HELZ: variants seen among roughly 807,000 people sequenced by gnomAD.
HELZ encodes the protein helicase with zinc finger.
Under a neutral mutation model 218.2 loss-of-function variants are expected in HELZ, and 23 were observed. The observed-to-expected ratio is 0.11, with a 90% CI of 0.08 to 0.15. The LOEUF is 0.15. Among genes scored for constraint, HELZ ranks in the 10% least tolerant of loss-of-function variants. HELZ has a pLI of 1.00. For missense variants in HELZ, 1,813 were observed against 2,353.7 expected (o/e 0.77, Z 4.75); for synonymous variants, 814 against 829.4 (o/e 0.98, Z 0.32).
intron 23 of HELZ, among the ~76,000 whole-genome samples, chr17:67,133,903 G>A (rs562428000): frequency 1.3e-5 from 2 of 152,260 alleles, no homozygotes; most frequent in South Asian, 4.1e-4. Context: ...TAATCAAATT[G>A]TATGTGCTGT....
In HELZ at chr17:67,101,123, A is replaced by G. The variant is rs1412903735; in HGVS notation, c.5241+6046T>C. On this transcript the variant is annotated intron_variant, in intron 31 of 32. Coordinates refer to ENST00000358691, the MANE Select transcript of HELZ (RefSeq NM_014877.4). ...AGACTCCGTCTCAGAAAAAAAAAAAAAAAAGGAAAAATAGAAGAAGAGAGA... is the reference window on the plus strand; with the variant it reads ...AGACTCCGTCTCAGAAAAAAAAAAAGAAAAGGAAAAATAGAAGAAGAGAGA... Among the ~76,000 whole-genome samples the G allele has an allele frequency of 2.0e-5, 3 of 151,682 alleles. No individual in the cohort carries two copies. The East Asian group carries it at 5.8e-4, about 29-fold the overall frequency.
At position 67,109,352 on chromosome 17, in the gene HELZ, T is replaced by C; in HGVS notation, c.4253A>G (p.Gln1418Arg). ...TCCCGCCTGATATGCAGGAGAAAGC[T>C]GAGGAGGTGGCTGCTGAGGCTGCTG... ...LNQQPQQPPP[Q>R]LSPAYQAGPN... Residue 1418 changes from glutamine (Q) to arginine (R), a missense_variant, in exon 29 of 33, where the codon CAG becomes CGG. This residue lies in a region of HELZ where 938 missense variants were observed against 1,027.5 expected (regional missense o/e 0.91). Transcript: ENST00000358691. 1 of 1,614,096 alleles carries C rather than the reference T, an allele frequency of 6.2e-7. No homozygotes were observed. The highest frequency in any genetic ancestry group is 8.5e-7 in the Non-Finnish European group (1 of 1,180,018).
At chr17:67,116,432 A>G (rs2037428727) in intron 27 of HELZ, among the ~76,000 whole-genome samples, 2 of 152,082 alleles carry the variant, frequency 1.3e-5, no homozygotes, top group African/African-American at 4.8e-5. Context: ...TATCTAAAAT[A>G]AACAAACTTT....
Position 67,151,080 on chromosome 17 carries a change from A to G in HELZ, c.2322T>C (p.Thr774=). 1.9e-6 allele frequency: 3 copies of G among 1,614,008 alleles called. No homozygotes were observed. In the South Asian group the frequency reaches 3.3e-5, roughly 18 times the overall value. The change falls in exon 18 of 33, where the codon ACT becomes ACC. Residue 774 remains threonine, a synonymous_variant. Transcript: ENST00000358691. ...KHRVVVVTLN[T]SQYLCQLDLE... ...GGTCCAACTGACAGAGGTACTGGGA[A>G]GTATTCAAGGTAACAACCACCACTC...
intron 32 of HELZ, among the ~76,000 whole-genome samples, chr17:67,080,644 T>C (rs2036160380): frequency 6.6e-6 from 1 of 152,216 alleles, no homozygotes; most frequent in Non-Finnish European, 1.5e-5. Context: ...AAGTATACAG[T>C]TGGTTAGAGC....
At chr17:67,166,753 T>C (rs2039157861) in intron 14 of HELZ, 145 bp from the exon 15 acceptor site, 1 of 638,488 alleles carries the variant, frequency 1.6e-6, no homozygotes, top group South Asian at 2.3e-5. Flanking sequence ...ATCATAATTA[T>C]GATGAATAAT....
Position 67,079,294 on chromosome 17 carries a change from A to T in HELZ, c.5495-708T>A, listed in dbSNP as rs530219724. Among the ~76,000 whole-genome samples, 4 of 152,346 alleles carry T rather than the reference A, an allele frequency of 2.6e-5. No individual in the cohort carries two copies. The South Asian group carries it at 8.3e-4, about 32-fold the overall frequency. ...CAAATTCACTGAGGACAATTGGAAA[A>T]TTTCAGAAAAGTCCAAAGAAGAAAG... On this transcript the variant is annotated intron_variant, in intron 32 of 32. Coordinates refer to ENST00000358691, the MANE Select transcript of HELZ (RefSeq NM_014877.4).
In HELZ at chr17:67,109,686, C is replaced by A. The variant is rs1241344446; in HGVS notation, c.3919G>T (p.Val1307Phe). ...PEKKPTEPKQ[V>F]DLESNPQNRS... ...TTCTGTGGATTTGATTCCAAATCAA[C>A]CTAGAAAAAAAGAAGAAGCCTTTTT... Residue 1307 changes from valine (V) to phenylalanine (F), a missense_variant and splice_region_variant, in exon 29 of 33, where the codon GTT (valine) becomes TTT (phenylalanine). Coordinates refer to ENST00000358691, the MANE Select transcript of HELZ (RefSeq NM_014877.4). 2 of 1,593,212 alleles carry A rather than the reference C, an allele frequency of 1.3e-6. No individual in the cohort carries two copies. The highest frequency in any genetic ancestry group is 1.8e-5 in the Admixed American group (1 of 55,792).
chr17:67,209,717 G>A (rs1365733013), intron 5 of HELZ, among the ~76,000 whole-genome samples: 1 of 148,272 alleles, frequency 6.7e-6, no homozygotes. Context: ...TTCCACTCTG[G>A]ACTGGCTCTG....
intron 4 of HELZ, among the ~76,000 whole-genome samples, chr17:67,218,235 G>A (rs2040656771): frequency 6.6e-6 from 1 of 150,402 alleles, no homozygotes; most frequent in South Asian, 2.1e-4. Context: ...CCCAGCCGGT[G>A]TTTATTTTTT....
chr17:67,095,892 T>C (rs1196129908), intron 31 of HELZ, among the ~76,000 whole-genome samples: 1 of 152,234 alleles, frequency 6.6e-6, no homozygotes, highest in Non-Finnish European at 1.5e-5. Flanking sequence ...AGGTTTTTAA[T>C]TTACTTTGTC....
At chr17:67,086,474 G>C (rs888911361) in intron 32 of HELZ, among the ~76,000 whole-genome samples, 1 of 151,172 alleles carries the variant, frequency 6.6e-6, no homozygotes, top group African/African-American at 2.4e-5. Context: ...CCAGCTACTT[G>C]GGGGGCTGAG....
At position 67,174,643 on chromosome 17, in the gene HELZ, A is replaced by C. The variant is rs368533161; in HGVS notation, c.1430+4016T>G. 1.4e-4 allele frequency among the ~76,000 whole-genome samples: 21 copies of C among 152,196 alleles called. No homozygotes were observed. The East Asian group carries it at 3.7e-3, about 27-fold the overall frequency. On this transcript the variant is annotated intron_variant, in intron 13 of 32. Coordinates refer to ENST00000358691, the MANE Select transcript of HELZ (RefSeq NM_014877.4). ...GTGAAACCCCATCTCTACCAAAAAT[A>C]CAAAATTAGCTGGGCATGGTGACAC... is the stretch of plus-strand genomic sequence containing the variant.
rs545291939 is a variant in HELZ at position 67,137,884 on chromosome 17, T to C, written c.2953+47A>G. On this transcript the variant is annotated intron_variant, in intron 22 of 32. Transcript: ENST00000358691. ...CTAAAAATCCAATGTGAACACACTT[T>C]AGATTTAAGCATTTGAATGACTGAA... 3.7e-5 allele frequency: 52 copies of C among 1,413,230 alleles called. No homozygotes were observed. The South Asian group carries it at 6.6e-4, about 18-fold the overall frequency. 87.5% of individuals were successfully genotyped at this position (1,413,230 alleles called of 1,614,324 possible).
chr17:67,245,364 C>G, upstream of HELZ: 1 of 723,030 alleles, frequency 1.4e-6, no homozygotes, highest in Non-Finnish European at 1.7e-6. Context: ...CTCCCCCGGG[C>G]TGACGGCATT....
chr17:67,229,776 A>T (rs1273704145), intron 3 of HELZ, among the ~76,000 whole-genome samples: 2 of 152,208 alleles, frequency 1.3e-5, no homozygotes, highest in Non-Finnish European at 2.9e-5. Context: ...CACAGGCAAA[A>T]TAGTCTGCAA....
chr17:67,160,175 C>T, intron 17 of HELZ, 86 bp downstream of exon 17: 1 of 802,650 alleles, frequency 1.2e-6, no homozygotes, highest in Non-Finnish European at 2.1e-6. Context: ...TTTGGTATTT[C>T]CAAAGTTACT....
chr17:67,221,443 T>G (rs1366546113), intron 3 of HELZ, among the ~76,000 whole-genome samples: 4 of 152,062 alleles, frequency 2.6e-5, no homozygotes, highest in Non-Finnish European at 5.9e-5. Context: ...CCTACAGAAC[T>G]CCCAGCCCAC....
Position 67,209,418 on chromosome 17 carries a change from T to C in HELZ, c.248-5975A>G, listed in dbSNP as rs140415785. Among the ~76,000 whole-genome samples, 550 of 152,008 alleles carry C rather than the reference T, an allele frequency of 3.6e-3. 2 individuals carry two copies. The highest frequency in any genetic ancestry group is 5.3e-3 in the Non-Finnish European group (359 of 67,962). ...TTCAAGACCAGCCTGACCAGCATGG[T>C]GAAACCCCGTCACTACTAAAAATAC... On this transcript the variant is annotated intron_variant, in intron 5 of 32. Transcript: ENST00000358691.
Sources: gnomAD v4.1 joint callset for allele counts (sites outside exome capture counted in the v4.1 genomes callset) on GRCh38, gnomAD v4.1.1 for gene constraint, gnomAD v4.1.1 regional missense constraint, MANE v1.5 for transcripts, NCBI Gene and HGNC (gene_info 2026-07-23, HGNC 2026-07-21) for gene names.